ZNF592: variants seen among roughly 807,000 people sequenced by gnomAD.
ZNF592 encodes zinc finger protein 592.
A neutral mutation model predicts 80.3 loss-of-function variants in ZNF592; 11 were observed. The observed-to-expected ratio is 0.14, with a 90% CI of 0.09 to 0.23. ZNF592 has a LOEUF of 0.23. Ranked by LOEUF, ZNF592 falls within the 10% of genes least tolerant of loss-of-function variation. The pLI, the probability that ZNF592 is intolerant of heterozygous loss-of-function variation, is 1.00. For synonymous variants in ZNF592, 646 were observed against 640.3 expected, an observed-to-expected ratio of 1.01 and a Z score of -0.13; for missense variants, 1,420 against 1,633.9, an observed-to-expected ratio of 0.87 and a Z score of 2.26.
chr15:84,776,415 A>G (rs1205801937), intron 2 of ZNF592, among the ~76,000 whole-genome samples: 1 of 152,268 alleles, frequency 6.6e-6, no homozygotes, highest in East Asian at 1.9e-4. Flanking sequence ...TTTTCTAACT[A>G]GCATTTCCCT....
Position 84,802,426 on chromosome 15 carries a change from G to A in ZNF592, c.*33G>A, listed in dbSNP as rs1358833096. The A allele has an allele frequency of 1.2e-6, 2 of 1,611,462 alleles. No individual in the cohort carries two copies. The highest frequency in any genetic ancestry group is 1.7e-6 in the Non-Finnish European group (2 of 1,179,084). On this transcript the variant is annotated 3_prime_UTR_variant, in exon 11 of 11. Transcript: ENST00000560079. ...CTTTGCAGTGTGCATGGTCAGGGGT[G>A]GTGCCGAAGTGTCTTCCACCTGCCC...
rs866353234 is a variant in ZNF592 at position 84,783,672 on chromosome 15, C to T, written c.997C>T (p.Arg333Trp). The change falls in exon 4 of 11, where the codon CGG becomes TGG. Residue 333 changes from arginine to tryptophan, a missense_variant. This residue lies in a region of ZNF592 where 524 missense variants were observed against 628.3 expected (regional missense o/e 0.83). Transcript: ENST00000560079. The surrounding 1 kb of genome is among the most constrained non-coding windows in gnomAD (Gnocchi z 5.0). ...PKMPKSPKSP[R>W]SPLEATRKSI... ...AATGCCCAAGTCACCAAAGAGTCCC[C>T]GGAGCCCTCTGGAGGCCACTAGAAA... 6.2e-6 allele frequency: 10 copies of T among 1,614,114 alleles called. No homozygotes were observed. Among genetic ancestry groups the T allele is most frequent in the East Asian group, 4.5e-5 (2 of 44,896 alleles).
chr15:84,783,940 C>T lies in ZNF592; in HGVS notation c.1265C>T (p.Pro422Leu), dbSNP rs929251033. Residue 422 changes from proline (P) to leucine (L), a missense_variant, in exon 4 of 11, where the codon CCA (proline) becomes CTA (leucine). Physicochemically the swap from Pro to Leu is moderately conservative, Grantham distance 98. Around this residue, in one of 7 missense-constraint regions of ZNF592, gnomAD observed 524 missense variants for 628.3 expected, o/e 0.83. Transcript: ENST00000560079. This position sits in a 1 kb window ranked among gnomAD's most constrained non-coding sequence, Gnocchi z 5.0. Reference sequence around the variant, plus strand: ...ATTGCAGAGGCCCCCAGCGAGATGCCAGGGGATGAGGTGCCTGTGGAAGAG... The same window carrying T: ...ATTGCAGAGGCCCCCAGCGAGATGCTAGGGGATGAGGTGCCTGTGGAAGAG... ...SAIAEAPSEMPGDEVPVEEHF... is the reference protein window; with the variant it reads ...SAIAEAPSEMLGDEVPVEEHF... 1 of 1,614,030 alleles carries T rather than the reference C, an allele frequency of 6.2e-7. No individual in the cohort carries two copies.
intron 3 of ZNF592, among the ~76,000 whole-genome samples, chr15:84,779,429 T>C (rs923846756): frequency 1.1e-4 from 16 of 152,218 alleles, no homozygotes; most frequent in African/African-American, 3.9e-4. Context: ...TTTTTCTTAC[T>C]GGGGCTAAAT....
Position 84,784,746 on chromosome 15 carries a change from A to G in ZNF592, c.2071A>G (p.Ser691Gly). 1.9e-6 allele frequency: 3 copies of G among 1,614,088 alleles called. No homozygotes were observed. The highest frequency in any genetic ancestry group is 1.7e-6 in the Non-Finnish European group (2 of 1,180,008). ...ACATGGCCTCACTTCGGGCAGTGCC[A>G]GTCCCCCTCCTCCAGCCTTGCCACT... is the stretch of plus-strand genomic sequence containing the variant. Reference protein sequence around the residue: ...PKHGLTSGSASPPPPALPLYP... With the variant: ...PKHGLTSGSAGPPPPALPLYP... Residue 691 changes from serine to glycine, a missense_variant, in exon 4 of 11, where the codon AGT (serine) becomes GGT (glycine). Transcript: ENST00000560079. The surrounding 1 kb of genome is among the most constrained non-coding windows in gnomAD (Gnocchi z 5.8).
rs1465967903 is a variant in ZNF592 at position 84,789,868 on chromosome 15, G to C, written c.2221-837G>C. ...CCCCTTTACTAAGAAGTTAAGAAGGGCCTCTCCAGCATGCAGGCACCAGCG... is the reference window on the plus strand; with the variant it reads ...CCCCTTTACTAAGAAGTTAAGAAGGCCCTCTCCAGCATGCAGGCACCAGCG... On this transcript the variant is annotated intron_variant, in intron 4 of 10. Transcript: ENST00000560079. Among the ~76,000 whole-genome samples, 5 of 152,238 alleles carry C rather than the reference G, an allele frequency of 3.3e-5. No homozygotes were observed. The East Asian group carries it at 9.6e-4, about 29-fold the overall frequency.
At chr15:84,770,941 T>G (rs1899681214) in intron 2 of ZNF592, among the ~76,000 whole-genome samples, 1 of 152,090 alleles carries the variant, frequency 6.6e-6, no homozygotes, top group African/African-American at 2.4e-5. Flanking sequence ...TTGAAATCTT[T>G]GGTTGGCGTG....
chr15:84,799,078 G>A lies in ZNF592; in HGVS notation c.3025-20G>A. ...ATCTTACAGTTCTGATGCTTTGTGT[G>A]TTGCCACCTCCTTCCTTAGACATTG... is the stretch of plus-strand genomic sequence containing the variant. On this transcript the variant is annotated intron_variant, in intron 8 of 10. Coordinates refer to ENST00000560079, the MANE Select transcript of ZNF592 (RefSeq NM_014630.3). The surrounding 1 kb of genome is among the most constrained non-coding windows in gnomAD (Gnocchi z 4.2). 6 of 1,613,654 alleles carry A rather than the reference G, an allele frequency of 3.7e-6. No homozygotes were observed. The East Asian group carries it at 1.1e-4, about 30-fold the overall frequency.
At chr15:84,766,003 C>CTT (rs527253414) in intron 2 of ZNF592, among the ~76,000 whole-genome samples, 18 of 143,934 alleles carry the variant, frequency 1.3e-4, no homozygotes, top group South Asian at 4.5e-4. Context: ...ATTCATGGTC[C>CTT]TTTTTTTTTT....
In ZNF592 at chr15:84,783,117, G is replaced by C; in HGVS notation, c.442G>C (p.Glu148Gln). 1 of 1,614,148 alleles carries C rather than the reference G, an allele frequency of 6.2e-7. No homozygotes were observed. The highest frequency in any genetic ancestry group is 8.5e-7 in the Non-Finnish European group (1 of 1,180,044). The change falls in exon 4 of 11, where the codon GAA (glutamate) becomes CAA (glutamine). Residue 148 changes from glutamate to glutamine, a missense_variant. Around this residue, in one of 7 missense-constraint regions of ZNF592, gnomAD observed 373 missense variants for 355.5 expected, o/e 1.05. Transcript: ENST00000560079. This position sits in a 1 kb window ranked among gnomAD's most constrained non-coding sequence, Gnocchi z 5.0. ...FNQFSPISSP[E>Q]PEDPIKDNGF... ...CCAGTTCAGTCCAATCTCCAGCCCA[G>C]AACCTGAGGATCCCATCAAAGATAA... is the stretch of plus-strand genomic sequence containing the variant.
intron 4 of ZNF592, 44 bp from the exon 5 acceptor site, chr15:84,790,661 C>A: frequency 6.2e-7 from 1 of 1,603,062 alleles, no homozygotes; most frequent in South Asian, 1.1e-5. Flanking sequence ...GAGCCACAGG[C>A]CTATGGCCCC....
intron 4 of ZNF592, among the ~76,000 whole-genome samples, chr15:84,785,658 C>G (rs149975379): frequency 5.9e-5 from 9 of 152,198 alleles, no homozygotes; most frequent in African/African-American, 2.2e-4. Flanking sequence ...TGCAGTGACA[C>G]AGCTGTTCTT....
chr15:84,798,312 C>T lies in ZNF592; in HGVS notation c.2577-3C>T, dbSNP rs769143827. The T allele has an allele frequency of 8.7e-6, 14 of 1,614,056 alleles. No individual in the cohort carries two copies. The Admixed American group carries it at 1.7e-4, about 19-fold the overall frequency. On this transcript the variant is annotated splice_region_variant and splice_polypyrimidine_tract_variant and intron_variant, in intron 6 of 10. Transcript: ENST00000560079. The surrounding 1 kb of genome is among the most constrained non-coding windows in gnomAD (Gnocchi z 4.5). ...CCTCACCCCCTAGGGCTTGTCTCAT[C>T]AGGCTCATTTATAAGTGCTCCTGTG...
intron 2 of ZNF592, among the ~76,000 whole-genome samples, 195 bp from the exon 3 acceptor site, chr15:84,777,988 G>A (rs1417098220): frequency 2.0e-5 from 3 of 152,036 alleles, no homozygotes; most frequent in East Asian, 1.9e-4. Context: ...GTGAGCCACC[G>A]TGCCCGGCCT....
At chr15:84,794,703 C>T (rs890045331) in intron 5 of ZNF592, among the ~76,000 whole-genome samples, 3 of 152,150 alleles carry the variant, frequency 2.0e-5, no homozygotes, top group Admixed American at 1.3e-4. Context: ...TCTTGAACTC[C>T]TGACCTCAGG....
At chr15:84,776,777 C>A (rs1473446130) in intron 2 of ZNF592, among the ~76,000 whole-genome samples, 1 of 150,074 alleles carries the variant, frequency 6.7e-6, no homozygotes, top group Non-Finnish European at 1.5e-5. Flanking sequence ...AAACAAAACA[C>A]CTGGTAGCTC....
intron 5 of ZNF592, among the ~76,000 whole-genome samples, 168 bp downstream of exon 5, chr15:84,791,051 A>C (rs1267582536): frequency 6.6e-6 from 1 of 152,262 alleles, no homozygotes; most frequent in African/African-American, 2.4e-5. Flanking sequence ...GGTAGCAGAC[A>C]GGAAGAACAA....
At chr15:84,762,585 T>TTAGGATCGCTCCAGGTCTAA (rs1286992703) in intron 1 of ZNF592, among the ~76,000 whole-genome samples, 3 of 152,250 alleles carry the variant, frequency 2.0e-5, no homozygotes, top group Admixed American at 2.0e-4. Flanking sequence ...GGGTTAGGCA[T>TTAGGATCGCTCCAGGTCTAA]TAGGATCGCT....
intron 2 of ZNF592, among the ~76,000 whole-genome samples, chr15:84,775,840 T>G (rs1303638328): frequency 6.6e-6 from 1 of 152,234 alleles, no homozygotes; most frequent in Non-Finnish European, 1.5e-5. Context: ...TATGTTTACT[T>G]AAATGTTTGG....
Sources: allele counts gnomAD v4.1 joint callset (sites outside exome capture counted in the v4.1 genomes callset), GRCh38; gene constraint gnomAD v4.1.1; regional missense constraint gnomAD v4.1.1; non-coding constraint Gnocchi (gnomAD v3.1); transcripts MANE v1.5; gene names NCBI Gene and HGNC (gene_info 2026-07-23, HGNC 2026-07-21).